CATSPERE: variants seen among roughly 807,000 people sequenced by gnomAD.
CATSPERE encodes the protein catsper channel auxiliary subunit epsilon.
A neutral mutation model predicts 114.1 loss-of-function variants in CATSPERE; 93 were observed. The ratio of observed to expected loss-of-function variants is 0.81; its 90% CI spans 0.69 to 0.97. The LOEUF (loss-of-function observed/expected upper bound fraction) is 0.97, where lower values mean the gene tolerates loss of function less well. CATSPERE is among the 50% of genes least tolerant of loss of function. CATSPERE has a pLI of 0.00. For missense variants in CATSPERE, 1,058 were observed against 1,131.6 expected (o/e 0.93, Z 0.93); for synonymous variants, 341 against 384.1 (o/e 0.89, Z 1.31).
chr1:244,574,739 C>T (rs1664983986), intron 11 of CATSPERE, among the ~76,000 whole-genome samples: 1 of 152,152 alleles, frequency 6.6e-6, no homozygotes, highest in Non-Finnish European at 1.5e-5. Flanking sequence ...TAAGGGCGGA[C>T]TGATGGGTCA....
chr1:244,464,961 G>A (rs201517723), intron 2 of CATSPERE, among the ~76,000 whole-genome samples: 14 of 142,972 alleles, frequency 9.8e-5, no homozygotes, highest in Non-Finnish European at 7.6e-5. Flanking sequence ...ATACTTTACT[G>A]AAAAAAAAAA....
At chr1:244,510,124 A>G (rs991785207) in intron 7 of CATSPERE, among the ~76,000 whole-genome samples, 7 of 150,560 alleles carry the variant, frequency 4.6e-5, no homozygotes, top group African/African-American at 1.7e-4. Flanking sequence ...TTTGGGTTTG[A>G]TTTGTTCTTG....
chr1:244,590,705 C>G (rs146117567), intron 14 of CATSPERE, among the ~76,000 whole-genome samples: 1 of 152,192 alleles, frequency 6.6e-6, no homozygotes, highest in South Asian at 2.1e-4. Flanking sequence ...AACATATGAC[C>G]TTTTGTGTCC....
intron 9 of CATSPERE, among the ~76,000 whole-genome samples, chr1:244,557,947 G>A (rs192187287): frequency 9.9e-5 from 15 of 151,500 alleles, no homozygotes; most frequent in East Asian, 7.8e-4. Flanking sequence ...CAGCTTCTTG[G>A]TAAGTGCATC....
intron 11 of CATSPERE, among the ~76,000 whole-genome samples, chr1:244,581,266 A>C (rs6664965): frequency 0.19 from 28,614 of 152,056 alleles, 3,919 homozygotes; most frequent in East Asian, 0.41. Context: ...ACTCACTGAT[A>C]TATTGTGTCA....
chr1:244,503,960 G>A (rs1432997842), intron 7 of CATSPERE, among the ~76,000 whole-genome samples: 2 of 152,182 alleles, frequency 1.3e-5, no homozygotes, highest in African/African-American at 2.4e-5. Context: ...AACAAATTTT[G>A]TGTTTCACTT....
chr1:244,490,569 G>A (rs1375825465), intron 6 of CATSPERE, 98 bp downstream of exon 6: 5 of 793,880 alleles, frequency 6.3e-6, no homozygotes, highest in Non-Finnish European at 1.0e-5. Context: ...TTTTTCAAAT[G>A]AATTTTGCAA....
At chr1:244,497,489 C>T (rs1558375144) in intron 6 of CATSPERE, among the ~76,000 whole-genome samples, 1 of 152,090 alleles carries the variant, frequency 6.6e-6, no homozygotes, top group African/African-American at 2.4e-5. Context: ...AAGAGAAATG[C>T]AGATTTAAAC....
At chr1:244,455,458 T>C (rs963464387) in intron 1 of CATSPERE, among the ~76,000 whole-genome samples, 3 of 151,876 alleles carry the variant, frequency 2.0e-5, no homozygotes, top group Non-Finnish European at 4.4e-5. Context: ...AAGCCAAAAA[T>C]ATTGGCCGCT....
At chr1:244,618,123 C>T (rs1002869653) in intron 20 of CATSPERE, among the ~76,000 whole-genome samples, 1 of 152,130 alleles carries the variant, frequency 6.6e-6, no homozygotes, top group Non-Finnish European at 1.5e-5. Flanking sequence ...AAGATTAATG[C>T]TATTTTGAGC....
chr1:244,621,051 A>AT (rs1672067015), intron 20 of CATSPERE, among the ~76,000 whole-genome samples: 2 of 75,364 alleles, frequency 2.7e-5, no homozygotes, highest in East Asian at 6.4e-4. Context: ...TATATATATA[A>AT]ATATATATAA....
At chr1:244,636,885 C>A (rs372502561) in intron 21 of CATSPERE, 86 of 152,368 alleles carry the variant, frequency 5.6e-4, no homozygotes, top group African/African-American at 2.0e-3. Flanking sequence ...TTGTAGAAGG[C>A]AAAGAGCTCG....
Position 244,572,678 on chromosome 1 carries a change from T to A in CATSPERE, c.1856T>A (p.Leu619Gln). The change falls in exon 11 of 22, where the codon CTG (leucine) becomes CAG (glutamine). Residue 619 changes from leucine to glutamine, a missense_variant. Leu to Gln is a moderately radical substitution (Grantham distance 113). Around this residue, in one of 2 missense-constraint regions of CATSPERE, gnomAD observed 787 missense variants for 905.6 expected, o/e 0.87. Transcript: ENST00000366534. The part of the protein sequence containing the change: ...TQIVYPENTG[L>Q]YVIVESYGPK... ...ATCGTCTATCCAGAAAACACTGGTC[T>A]GTATGTTATTGTGGAATCTTATGGC... is the stretch of plus-strand genomic sequence containing the variant. 1.2e-6 allele frequency: 2 copies of A among 1,613,910 alleles called. No homozygotes were observed. The highest frequency in any genetic ancestry group is 1.7e-6 in the Non-Finnish European group (2 of 1,179,854).
intron 11 of CATSPERE, among the ~76,000 whole-genome samples, chr1:244,577,284 TTATATA>T (rs1369681205): frequency 2.0e-5 from 3 of 151,254 alleles, no homozygotes; most frequent in Non-Finnish European, 2.9e-5. Flanking sequence ...ATCTATAATA[TTATATA>T]TAATTACTTA....
intron 17 of CATSPERE, chr1:244,598,565 T>A (rs1572939903): frequency 3.6e-6 from 1 of 275,316 alleles, no homozygotes; most frequent in Admixed American, 3.7e-5. Context: ...CCACCTCACC[T>A]GTCTTGCACC....
At chr1:244,611,601 G>GA (rs370922265) in intron 19 of CATSPERE, among the ~76,000 whole-genome samples, 5 of 147,516 alleles carry the variant, frequency 3.4e-5, no homozygotes, top group South Asian at 2.1e-4. Flanking sequence ...TCTCAAAAAA[G>GA]AAAAAAAAAT....
intron 20 of CATSPERE, 56 bp from the exon 21 acceptor site, chr1:244,635,433 G>T: frequency 7.6e-7 from 1 of 1,314,194 alleles, no homozygotes; most frequent in Non-Finnish European, 1.1e-6. Context: ...CATGGAGAGC[G>T]TTTTAAAATA....
intron 19 of CATSPERE, among the ~76,000 whole-genome samples, chr1:244,617,302 C>G (rs777239958): frequency 6.6e-5 from 10 of 152,132 alleles, no homozygotes; most frequent in Admixed American, 1.3e-4. Context: ...TCTCAACACT[C>G]TAATGTAATT....
intron 7 of CATSPERE, chr1:244,515,262 G>T: frequency 1.1e-6 from 1 of 885,378 alleles, no homozygotes; most frequent in South Asian, 5.2e-5. Context: ...TGTAACTGTT[G>T]TTCCTTCTGT....
Sources: allele counts gnomAD v4.1 joint callset (sites outside exome capture counted in the v4.1 genomes callset), GRCh38; gene constraint gnomAD v4.1.1; regional missense constraint gnomAD v4.1.1; transcripts MANE v1.5; gene names NCBI Gene and HGNC (gene_info 2026-07-23, HGNC 2026-07-21).